APBB2: variants seen among roughly 807,000 people sequenced by gnomAD.
APBB2 encodes the protein amyloid beta precursor protein binding family B member 2.
In APBB2, 38 loss-of-function variants were observed where a neutral mutation model predicts 82.5. That is an observed-to-expected ratio of 0.46 (90% CI 0.36 to 0.60). The LOEUF (loss-of-function observed/expected upper bound fraction) is 0.60, where lower values mean the gene tolerates loss of function less well. Ranked by LOEUF, APBB2 falls within the 20% of genes least tolerant of loss-of-function variation. The pLI is 0.00. For synonymous variants in APBB2, 341 were observed against 368.2 expected, an observed-to-expected ratio of 0.93 and a Z score of 0.85; for missense variants, 772 against 972.3, an observed-to-expected ratio of 0.79 and a Z score of 2.74.
chr4:40,907,767 T>C (rs1016087149), intron 10 of APBB2, among the ~76,000 whole-genome samples: 1 of 149,538 alleles, frequency 6.7e-6, no homozygotes, highest in African/African-American at 2.5e-5. Context: ...CTTCACCTTT[T>C]GGGCTCAGCC....
chr4:41,006,196 A>T (rs75537745), intron 6 of APBB2, among the ~76,000 whole-genome samples: 7,104 of 152,302 alleles, frequency 0.047, 361 homozygotes, highest in African/African-American at 0.13. Context: ...GGGGTAAAAT[A>T]AAAAATACTT....
In APBB2 at chr4:40,825,962, G is replaced by A; in HGVS notation, c.1741C>T (p.Pro581Ser). The change falls in exon 15 of 18, where the codon CCA becomes TCA. Residue 581 changes from proline to serine, a missense_variant. Physicochemically the swap from Pro to Ser is moderately conservative, Grantham distance 74. Transcript: ENST00000508593. ...TGGACCAGCTCAGTCTTTGGTGTTG[G>A]AAAATCTACTACAGGGAACAAAAGC... The part of the protein sequence containing the change: ...NLDVPLQVDF[P>S]TPKTELVQKF... The A allele has an allele frequency of 6.2e-7, 1 of 1,613,956 alleles. No individual in the cohort carries two copies. Among genetic ancestry groups the A allele is most frequent in the Non-Finnish European group, 8.5e-7 (1 of 1,179,848 alleles).
At chr4:40,959,763 A>G (rs1792586172) in intron 6 of APBB2, among the ~76,000 whole-genome samples, 1 of 152,222 alleles carries the variant, frequency 6.6e-6, no homozygotes, top group Admixed American at 6.5e-5. Flanking sequence ...CATATGCATA[A>G]ACCATATACA....
intron 2 of APBB2, chr4:41,118,151 C>G (rs1751670305): frequency 6.6e-6 from 1 of 152,170 alleles, no homozygotes; most frequent in African/African-American, 2.4e-5. Flanking sequence ...GAGATCAAGG[C>G]TGCAGTGAGC....
At chr4:40,944,176 C>G (rs930293740) in intron 7 of APBB2, among the ~76,000 whole-genome samples, 4 of 152,180 alleles carry the variant, frequency 2.6e-5, no homozygotes, top group African/African-American at 9.6e-5. Context: ...TGACCTTCTC[C>G]AACTCTAATT....
At chr4:41,106,680 G>A (rs1747373526) in intron 2 of APBB2, among the ~76,000 whole-genome samples, 1 of 152,108 alleles carries the variant, frequency 6.6e-6, no homozygotes, top group Non-Finnish European at 1.5e-5. Context: ...GTTTCACCGT[G>A]TTAGCCAGGA....
chr4:41,013,491 G>T, intron 6 of APBB2, 92 bp downstream of exon 6: 1 of 1,222,642 alleles, frequency 8.2e-7, no homozygotes, highest in Non-Finnish European at 1.2e-6. Context: ...CTGCATAATG[G>T]ACATTTTTGG....
At chr4:40,896,945 G>C (rs1373416610) in intron 10 of APBB2, among the ~76,000 whole-genome samples, 1 of 152,158 alleles carries the variant, frequency 6.6e-6, no homozygotes, top group Non-Finnish European at 1.5e-5. Context: ...AGACAGCAAT[G>C]TTACTGTGAG....
chr4:41,211,456 GTTAT>G (rs1779301472), intron 1 of APBB2, among the ~76,000 whole-genome samples: 1 of 130,168 alleles, frequency 7.7e-6, no homozygotes, highest in African/African-American at 2.9e-5. Context: ...GTTTTGTTTT[GTTAT>G]TTATTTACTT....
chr4:41,205,309 T>A (rs1350167217), intron 1 of APBB2, among the ~76,000 whole-genome samples: 1 of 152,132 alleles, frequency 6.6e-6, no homozygotes, highest in East Asian at 1.9e-4. Flanking sequence ...ACCACCTGCC[T>A]CTCAATCCTT....
chr4:41,168,844 C>A (rs1767441880), intron 1 of APBB2, among the ~76,000 whole-genome samples: 1 of 152,012 alleles, frequency 6.6e-6, no homozygotes, highest in African/African-American at 2.4e-5. Context: ...ACTTGCCAGC[C>A]CACACAAAGG....
At chr4:40,866,949 T>C (rs1764182712) in intron 12 of APBB2, among the ~76,000 whole-genome samples, 1 of 152,094 alleles carries the variant, frequency 6.6e-6, no homozygotes, top group Admixed American at 6.6e-5. Context: ...AGAGATGGGG[T>C]TTCACTATGT....
At position 40,934,899 on chromosome 4, in the gene APBB2, T is replaced by G; in HGVS notation, c.1107+178A>C. ...CAAAACAACGGGGAACCTAGGGCAT[T>G]CACAATGGGAGACACCAAAAAAAGG... On this transcript the variant is annotated intron_variant, in intron 8 of 17. Coordinates refer to ENST00000508593, the MANE Select transcript of APBB2 (RefSeq NM_004307.2). 7.3e-6 allele frequency: 5 copies of G among 681,902 alleles called. No individual in the cohort carries two copies. The South Asian group carries it at 9.7e-5, about 13-fold the overall frequency. 42.2% of individuals were successfully genotyped at this position (681,902 alleles called of 1,614,324 possible).
intron 5 of APBB2, among the ~76,000 whole-genome samples, chr4:41,022,158 A>G (rs957991958): frequency 6.6e-6 from 1 of 152,232 alleles, no homozygotes; most frequent in Non-Finnish European, 1.5e-5. Flanking sequence ...GAAGGGAATG[A>G]GGAACTGTTC....
At chr4:41,126,135 T>A (rs193110963) in intron 2 of APBB2, among the ~76,000 whole-genome samples, 3 of 150,124 alleles carry the variant, frequency 2.0e-5, no homozygotes, top group African/African-American at 7.4e-5. Flanking sequence ...ATCCCAGCAC[T>A]GTGGGAGGCA....
At chr4:40,824,576 C>A (rs1055339742) in intron 15 of APBB2, among the ~76,000 whole-genome samples, 5 of 152,146 alleles carry the variant, frequency 3.3e-5, no homozygotes, top group African/African-American at 1.2e-4. Context: ...TAGCCTCAGC[C>A]TCCCAGGCTC....
At chr4:40,885,873 A>G (rs1384898440) in intron 12 of APBB2, among the ~76,000 whole-genome samples, 1 of 152,162 alleles carries the variant, frequency 6.6e-6, no homozygotes, top group Non-Finnish European at 1.5e-5. Flanking sequence ...CAGCGTAGGA[A>G]AACCTCTGAG....
chr4:41,016,104 G>T (rs77869670), intron 5 of APBB2, among the ~76,000 whole-genome samples: 5,109 of 152,232 alleles, frequency 0.034, 150 homozygotes, highest in African/African-American at 0.083. Context: ...ATACATGAGA[G>T]AAAGTTATTT....
chr4:41,150,617 C>T (rs1412959769), intron 1 of APBB2, among the ~76,000 whole-genome samples: 1 of 152,204 alleles, frequency 6.6e-6, no homozygotes, highest in African/African-American at 2.4e-5. Flanking sequence ...AGAAAGAATT[C>T]CCGAAGGCTT....
Sources: gnomAD v4.1 joint callset for allele counts (sites outside exome capture counted in the v4.1 genomes callset) on GRCh38, gnomAD v4.1.1 for gene constraint, MANE v1.5 for transcripts, NCBI Gene and HGNC (gene_info 2026-07-23, HGNC 2026-07-21) for gene names.